Variants in MYOCD observed in about 807,000 individuals in gnomAD.
MYOCD encodes myocardin.
In MYOCD, 32 loss-of-function variants were observed where a neutral mutation model predicts 96.1. The ratio of observed to expected loss-of-function variants is 0.33; its 90% CI spans 0.25 to 0.45. The LOEUF (loss-of-function observed/expected upper bound fraction) is 0.45. Among genes scored for constraint, MYOCD ranks in the 20% least tolerant of loss-of-function variants. The pLI, the probability that MYOCD is intolerant of heterozygous loss-of-function variation, is 1.00. For missense variants in MYOCD, 1,133 were observed against 1,200.6 expected (o/e 0.94, Z 0.83); for synonymous variants, 469 against 469.0 (o/e 1.00, Z 0.00).
At chr17:12,706,754 T>C (rs1164135640) in intron 2 of MYOCD, among the ~76,000 whole-genome samples, 1 of 152,204 alleles carries the variant, frequency 6.6e-6, no homozygotes, top group Non-Finnish European at 1.5e-5. Context: ...TTCATTTGTA[T>C]AGTAGAGTCC....
At chr17:12,757,536 G>A (rs1051545217) in intron 11 of MYOCD, among the ~76,000 whole-genome samples, 17 of 151,984 alleles carry the variant, frequency 1.1e-4, no homozygotes, top group African/African-American at 3.1e-4. Context: ...TCACTCTGTC[G>A]GCCAGACTGG....
At chr17:12,668,775 G>C (rs978535026) in intron 1 of MYOCD, among the ~76,000 whole-genome samples, 1 of 152,254 alleles carries the variant, frequency 6.6e-6, no homozygotes, top group Admixed American at 6.5e-5. Flanking sequence ...CCTGAATAAA[G>C]AGGATGACTA....
intron 12 of MYOCD, chr17:12,760,078 C>A (rs2033126483): frequency 6.5e-6 from 1 of 153,748 alleles, no homozygotes; most frequent in Non-Finnish European, 1.4e-5. Flanking sequence ...TTCACTGTAG[C>A]CCAAAGGTAG....
intron 5 of MYOCD, among the ~76,000 whole-genome samples, chr17:12,728,188 T>C (rs1375747855): frequency 6.6e-6 from 1 of 152,200 alleles, no homozygotes; most frequent in African/African-American, 2.4e-5. Context: ...ATTACTGAAA[T>C]ATCCCTCTGT....
intron 1 of MYOCD, among the ~76,000 whole-genome samples, chr17:12,684,496 T>C (rs1053628556): frequency 2.0e-5 from 3 of 152,156 alleles, no homozygotes; most frequent in Non-Finnish European, 2.9e-5. Context: ...CTACATATTT[T>C]GTGGAGCCCT....
At chr17:12,753,528 A>T (rs138443913) in intron 10 of MYOCD, among the ~76,000 whole-genome samples, 182 bp downstream of exon 10, 2 of 152,328 alleles carry the variant, frequency 1.3e-5, no homozygotes, top group East Asian at 3.9e-4. Context: ...CTCATCCTCT[A>T]AGGCAGGGGT....
intron 9 of MYOCD, among the ~76,000 whole-genome samples, chr17:12,750,505 A>G (rs2032817478): frequency 6.6e-6 from 1 of 152,114 alleles, no homozygotes; most frequent in Non-Finnish European, 1.5e-5. Flanking sequence ...CCTGGCCAAC[A>G]TGGTGAAACC....
rs9910400 is a variant in MYOCD at position 12,680,148 on chromosome 17, C to T, written c.55+13905C>T. On this transcript the variant is annotated intron_variant, in intron 1 of 13. Transcript: ENST00000425538. ...ACAGCCCCATGGAATGAAGACTCTC[C>T]TCTTAATTTTAGAAGAACTTCTTTG... Among the ~76,000 whole-genome samples, 448 of 152,280 alleles carry T rather than the reference C, an allele frequency of 2.9e-3. 3 individuals are homozygous for T. The highest frequency in any genetic ancestry group is 9.9e-3 in the African/African-American group (411 of 41,552).
At chr17:12,762,007 A>G (rs1039618091) in intron 13 of MYOCD, 1 of 152,292 alleles carries the variant, frequency 6.6e-6, no homozygotes, top group Admixed American at 6.5e-5. Context: ...ATTCAGGGGA[A>G]GAAGAGCAGT....
intron 1 of MYOCD, among the ~76,000 whole-genome samples, chr17:12,673,957 G>A (rs1391411550): frequency 6.6e-6 from 1 of 152,144 alleles, no homozygotes; most frequent in Non-Finnish European, 1.5e-5. Flanking sequence ...GTTGCCTAAT[G>A]CCTTTGGAAA....
At chr17:12,676,881 A>G (rs991125062) in intron 1 of MYOCD, among the ~76,000 whole-genome samples, 68 of 152,148 alleles carry the variant, frequency 4.5e-4, no homozygotes, top group African/African-American at 1.6e-3. Context: ...TAAGCTCTCA[A>G]CCCTCTACTT....
At chr17:12,667,480 C>G (rs1909439542) in intron 1 of MYOCD, among the ~76,000 whole-genome samples, 1 of 152,246 alleles carries the variant, frequency 6.6e-6, no homozygotes, top group Non-Finnish European at 1.5e-5. Flanking sequence ...TGAGGTGAGG[C>G]GGTTGATCTG....
At chr17:12,695,845 A>T (rs769213794) in intron 1 of MYOCD, among the ~76,000 whole-genome samples, 1 of 138,362 alleles carries the variant, frequency 7.2e-6, no homozygotes, top group Non-Finnish European at 1.6e-5. Flanking sequence ...ATAACCCCCC[A>T]TTCTCTCTTC....
Position 12,753,344 on chromosome 17 carries a change from C to A in MYOCD, c.2056C>A (p.Gln686Lys), listed in dbSNP as rs772329506. Reference sequence around the variant, plus strand: ...CATCAGCAGCCAGGTGTGCACTGCACAGGTAAGAGCACCTTGCGCCATGCC... The same window carrying A: ...CATCAGCAGCCAGGTGTGCACTGCAAAGGTAAGAGCACCTTGCGCCATGCC... ...SPISSQVCTA[Q>K]NSGAHDGHPP... Residue 686 changes from glutamine (Q) to lysine (K), a missense_variant and splice_region_variant, in exon 10 of 14, where the codon CAG (glutamine) becomes AAG (lysine). Transcript: ENST00000425538. The A allele has an allele frequency of 1.3e-6, 2 of 1,562,250 alleles. No homozygotes were observed. Among genetic ancestry groups the A allele is most frequent in the South Asian group, 2.4e-5 (2 of 83,148 alleles).
Position 12,748,160 on chromosome 17 carries a change from CAAA to C in MYOCD, c.1125+2104_1125+2106del, listed in dbSNP as rs58002174. ...CTGATGACAGAGCTTGACTCCGTCT[CAAA>C]AAAAAAAAAAAAAAACAAAAAAACA... is the stretch of plus-strand genomic sequence containing the variant. On this transcript the variant is annotated intron_variant, in intron 9 of 13. Coordinates refer to ENST00000425538, the MANE Select transcript of MYOCD (RefSeq NM_001146312.3). Among the ~76,000 whole-genome samples the C allele has an allele frequency of 4.5e-3, 404 of 90,588 alleles. 2 individuals are homozygous for C. The highest frequency in any genetic ancestry group is 0.014 in the African/African-American group (372 of 25,748). The allele number at this position is 90,588 out of a possible 152,430, so 59.4% of individuals were successfully genotyped here. A position where few individuals can be genotyped will look rare whatever the true frequency, so the allele number is the denominator to read the frequency against.
chr17:12,711,656 T>C (rs2031483448), intron 2 of MYOCD, among the ~76,000 whole-genome samples: 1 of 152,178 alleles, frequency 6.6e-6, no homozygotes, highest in Admixed American at 6.5e-5. Flanking sequence ...CCAAGCAGCC[T>C]TTCTCTGGAC....
chr17:12,675,048 T>C (rs1307554790), intron 1 of MYOCD, among the ~76,000 whole-genome samples: 2 of 152,110 alleles, frequency 1.3e-5, no homozygotes, highest in Non-Finnish European at 2.9e-5. Flanking sequence ...ACAAAATTAT[T>C]AAAAGGACTT....
intron 1 of MYOCD, among the ~76,000 whole-genome samples, chr17:12,679,546 C>T (rs1459413610): frequency 6.6e-6 from 1 of 151,932 alleles, no homozygotes; most frequent in African/African-American, 2.4e-5. Context: ...GTTAATATAC[C>T]TACATTTATA....
intron 10 of MYOCD, 61 bp from the exon 11 acceptor site, chr17:12,756,353 C>T (rs1420383208): frequency 6.5e-7 from 1 of 1,540,082 alleles, no homozygotes; most frequent in African/African-American, 1.4e-5. Flanking sequence ...GAATTGTCAG[C>T]AAAGGTCACA....
Sources: allele counts gnomAD v4.1 joint callset (sites outside exome capture counted in the v4.1 genomes callset), GRCh38; gene constraint gnomAD v4.1.1; transcripts MANE v1.5; gene names NCBI Gene and HGNC (gene_info 2026-07-23, HGNC 2026-07-21).